Variants in HOMER2 observed in about 807,000 individuals in gnomAD.
HOMER2 encodes homer scaffold protein 2, also known as homer protein homolog 2.
HOMER2 carries 27 observed loss-of-function variants against 47.0 expected under a neutral mutation model. The ratio of observed to expected loss-of-function variants is 0.57; its 90% CI spans 0.42 to 0.79. The LOEUF (loss-of-function observed/expected upper bound fraction) is 0.79. HOMER2 is among the 30% of genes least tolerant of loss of function. The pLI, the probability that HOMER2 is intolerant of heterozygous loss-of-function variation, is 0.00. For synonymous variants in HOMER2, 161 were observed against 163.8 expected, an observed-to-expected ratio of 0.98 and a Z score of 0.13; for missense variants, 443 against 435.0, an observed-to-expected ratio of 1.02 and a Z score of -0.16.
Position 82,852,247 on chromosome 15 carries a change from A to G in HOMER2, c.657T>C (p.Asp219=). The G allele has an allele frequency of 6.2e-7, 1 of 1,612,158 alleles. No individual in the cohort carries two copies. Among genetic ancestry groups the G allele is most frequent in the South Asian group, 1.1e-5 (1 of 91,050 alleles). ...DENDRLRNKI[D]ELEEQCSEIN... ...TCTCACTGCATTGTTCTTCCAGCTC[A>G]TCAATCTTCAATACACACCACACAG... The change falls in exon 7 of 9, where the codon GAT becomes GAC. Residue 219 remains aspartate (D), a synonymous_variant. Coordinates refer to ENST00000450735, the MANE Select transcript of HOMER2 (RefSeq NM_004839.4).
chr15:82,850,099 G>A (rs2051343024), intron 8 of HOMER2, among the ~76,000 whole-genome samples, 196 bp from the exon 9 acceptor site: 1 of 152,198 alleles, frequency 6.6e-6, no homozygotes, highest in Non-Finnish European at 1.5e-5. Flanking sequence ...GCACTTCAGT[G>A]ACCTCCTCCT....
chr15:82,834,890 G>A (rs866049672), downstream of HOMER2: 1 of 152,028 alleles, frequency 6.6e-6, no homozygotes, highest in Non-Finnish European at 1.5e-5. Flanking sequence ...ATTTTCCTCA[G>A]GAACTGAAGT....
In HOMER2 at chr15:82,854,615, T is replaced by TA. The variant is rs2051504604; in HGVS notation, c.651+28_651+29insT. ...CTCCCACTGCCCACACCAGCTGGCC[T>TA]CGGGGCTCACTGCATCCACCGTACC... On this transcript the variant is annotated intron_variant, in intron 6 of 8. Coordinates refer to ENST00000450735, the MANE Select transcript of HOMER2 (RefSeq NM_004839.4). The TA allele has an allele frequency of 3.1e-6, 5 of 1,595,996 alleles. No individual in the cohort carries two copies. The South Asian group carries it at 5.6e-5, about 18-fold the overall frequency.
At chr15:82,925,354 G>A (rs911522998) in intron 1 of HOMER2, among the ~76,000 whole-genome samples, 6 of 152,160 alleles carry the variant, frequency 3.9e-5, no homozygotes, top group Non-Finnish European at 7.3e-5. Context: ...CCCCTGGGTG[G>A]CCACACAGAA....
chr15:82,907,711 A>T (rs2053330755), intron 1 of HOMER2, among the ~76,000 whole-genome samples: 1 of 152,236 alleles, frequency 6.6e-6, no homozygotes, highest in African/African-American at 2.4e-5. Context: ...AACATTCAAG[A>T]TAGACCATAT....
chr15:82,852,282 G>T, intron 6 of HOMER2, 30 bp from the exon 7 acceptor site: 2 of 1,519,484 alleles, frequency 1.3e-6, no homozygotes, highest in South Asian at 1.1e-5. Flanking sequence ...GGAAAGCAGG[G>T]ACGCCAGCTT....
chr15:82,907,951 C>T (rs1242804501), intron 1 of HOMER2, among the ~76,000 whole-genome samples: 1 of 152,092 alleles, frequency 6.6e-6, no homozygotes, highest in Non-Finnish European at 1.5e-5. Context: ...CAGGCTATAA[C>T]AAGGATGAAC....
chr15:82,863,766 GACCTCTGTTAAA>G (rs1210634689), intron 4 of HOMER2, among the ~76,000 whole-genome samples: 2 of 152,176 alleles, frequency 1.3e-5, no homozygotes, highest in Admixed American at 6.5e-5. Flanking sequence ...ACTTCCACCT[GACCTCTGTTAAA>G]ACCGGAGATG....
At chr15:82,920,176 C>T (rs745546715) in intron 1 of HOMER2, among the ~76,000 whole-genome samples, 30 of 152,220 alleles carry the variant, frequency 2.0e-4, no homozygotes, top group Non-Finnish European at 1.6e-4. Flanking sequence ...TTTTTGCCCA[C>T]TTCCCCACAT....
chr15:82,839,560 C>G (rs1229099931), exon 2 of HOMER2: 1 of 152,118 alleles, frequency 6.6e-6, no homozygotes, highest in Non-Finnish European at 1.5e-5. Context: ...ACTATTACAA[C>G]AAAATCAGGT....
rs1194393284 is a variant in HOMER2, at chr15:82,883,070, G to A, written c.163-7666C>T. On this transcript the variant is annotated intron_variant, in intron 2 of 8. Coordinates refer to ENST00000450735, the MANE Select transcript of HOMER2 (RefSeq NM_004839.4). ...TCCCCCGACCCCACCACAGTCCCCA[G>A]AGTGTGATATTCCCCTTCCTGTGTC... is the stretch of plus-strand genomic sequence containing the variant. 3.6e-4 allele frequency among the ~76,000 whole-genome samples: 11 copies of A among 30,194 alleles called. 1 individual carries two copies. The highest frequency in any genetic ancestry group is 5.0e-4 in the Non-Finnish European group (9 of 18,012). 19.8% of individuals were successfully genotyped at this position (30,194 alleles called of 152,430 possible).
chr15:82,899,261 C>T (rs765911549), intron 1 of HOMER2, among the ~76,000 whole-genome samples: 6 of 152,260 alleles, frequency 3.9e-5, no homozygotes, highest in South Asian at 2.1e-4. Flanking sequence ...AATACATCCT[C>T]GCTTCACTGT....
At chr15:82,842,773 G>A (rs1200961090) in exon 2 of HOMER2, 1 of 152,058 alleles carries the variant, frequency 6.6e-6, no homozygotes. Flanking sequence ...TGCTTATCCT[G>A]GCACCCAACA....
chr15:82,898,100 A>G (rs530535893), intron 1 of HOMER2, among the ~76,000 whole-genome samples: 1 of 152,318 alleles, frequency 6.6e-6, no homozygotes, highest in East Asian at 1.9e-4. Context: ...CAGAAAATCA[A>G]AGGTCACAGG....
intron 1 of HOMER2, among the ~76,000 whole-genome samples, chr15:82,949,657 G>A (rs2054462508): frequency 6.6e-6 from 1 of 152,216 alleles, no homozygotes; most frequent in Admixed American, 6.5e-5. Context: ...GAAGAGCAAA[G>A]AAGTGAAACA....
intron 1 of HOMER2, among the ~76,000 whole-genome samples, chr15:82,960,382 T>A (rs896044524): frequency 6.6e-6 from 1 of 152,072 alleles, no homozygotes; most frequent in Admixed American, 6.6e-5. Context: ...TATCTGAACC[T>A]GGGAAGTGTG....
chr15:82,877,163 TTTTG>T lies in HOMER2; in HGVS notation c.163-1763_163-1760del, dbSNP rs758890474. 1.4e-4 allele frequency among the ~76,000 whole-genome samples: 21 copies of T among 151,986 alleles called. 1 individual carries two copies. Among genetic ancestry groups the T allele is most frequent in the East Asian group, 1.9e-4 (1 of 5,152 alleles). Reference sequence around the variant, plus strand: ...AAGTAACTGAGATTTGGGAAAGTTTTTTTGTTTGTTTGTTTGATTTTTTTGAGAC... The same window carrying T: ...AAGTAACTGAGATTTGGGAAAGTTTTTTTGTTTGTTTGATTTTTTTGAGAC... On this transcript the variant is annotated intron_variant, in intron 2 of 8. Transcript: ENST00000450735.
chr15:82,901,723 C>T (rs1028312570), intron 1 of HOMER2, among the ~76,000 whole-genome samples: 7 of 152,260 alleles, frequency 4.6e-5, no homozygotes, highest in East Asian at 1.9e-4. Context: ...GTCTTTAACT[C>T]GGGGCCAGCA....
At chr15:82,839,438 G>T (rs2051154783) in exon 2 of HOMER2, 1 of 152,140 alleles carries the variant, frequency 6.6e-6, no homozygotes, top group African/African-American at 2.4e-5. Context: ...GCCTACTTAG[G>T]GAGATCAAGA....
Sources: gnomAD v4.1 joint callset for allele counts (sites outside exome capture counted in the v4.1 genomes callset) on GRCh38, gnomAD v4.1.1 for gene constraint, MANE v1.5 for transcripts, NCBI Gene and HGNC (gene_info 2026-07-23, HGNC 2026-07-21) for gene names.